The following FLT1 variants were observed in gnomAD, a reference collection of about 807,000 sequenced individuals.
FLT1 encodes fms related receptor tyrosine kinase 1.
In FLT1, 49 loss-of-function variants were observed where a neutral mutation model predicts 156.3. The ratio of observed to expected loss-of-function variants is 0.31; its 90% CI spans 0.25 to 0.40. The LOEUF is 0.40. Among genes scored for constraint, FLT1 ranks in the 10% least tolerant of loss-of-function variants. The pLI, the probability that FLT1 is intolerant of heterozygous loss-of-function variation, is 1.00. For missense variants in FLT1, 1,322 were observed against 1,637.2 expected (o/e 0.81, Z 3.32); for synonymous variants, 594 against 583.8 (o/e 1.02, Z -0.25).
chr13:28,397,617 G>C (rs972535495), intron 11 of FLT1, among the ~76,000 whole-genome samples: 1 of 152,004 alleles, frequency 6.6e-6, no homozygotes, highest in African/African-American at 2.4e-5. Flanking sequence ...GAACTTCTGG[G>C]CTCAAGCAGT....
chr13:28,491,138 T>C (rs755432681), intron 1 of FLT1, among the ~76,000 whole-genome samples: 3 of 140,920 alleles, frequency 2.1e-5, no homozygotes, highest in Non-Finnish European at 4.8e-5. Context: ...GACATTACAT[T>C]ATTTTGGTCA....
At chr13:28,437,075 C>G (rs1033578096) in intron 4 of FLT1, among the ~76,000 whole-genome samples, 1 of 152,150 alleles carries the variant, frequency 6.6e-6, no homozygotes, top group African/African-American at 2.4e-5. Flanking sequence ...GGCTCAAATG[C>G]CCAGTATGAC....
At chr13:28,401,803 T>A (rs1004591045) in intron 11 of FLT1, among the ~76,000 whole-genome samples, 2 of 152,218 alleles carry the variant, frequency 1.3e-5, no homozygotes, top group African/African-American at 4.8e-5. Flanking sequence ...CTTGCTCCTG[T>A]CATGGATTTG....
chr13:28,438,718 C>T (rs1035674164), intron 3 of FLT1, among the ~76,000 whole-genome samples: 2 of 152,180 alleles, frequency 1.3e-5, no homozygotes, highest in Non-Finnish European at 2.9e-5. Context: ...GAAGCGCCCT[C>T]CAGAGCCTTT....
chr13:28,494,836 C>T lies in FLT1; in HGVS notation c.8G>A (p.Ser3Asn). ...CAGCAGGACCCCGGTGTCCCAGTAG[C>T]TGACCATGGTGAGCGCGACGCGGCC... The part of the protein sequence containing the change: MV[S>N]YWDTGVLLCA... The change falls in exon 1 of 30, where the codon AGC becomes AAC. Residue 3 changes from serine (S) to asparagine (N), a missense_variant. This residue lies in a region of FLT1 where 991 missense variants were observed against 1,254.8 expected (regional missense o/e 0.79). Transcript: ENST00000282397. The T allele has an allele frequency of 6.4e-7, 1 of 1,567,388 alleles. No individual in the cohort carries two copies. Among genetic ancestry groups the T allele is most frequent in the South Asian group, 1.2e-5 (1 of 86,080 alleles).
chr13:28,434,293 G>GA, intron 4 of FLT1, 73 bp from the exon 5 acceptor site: 1 of 1,372,858 alleles, frequency 7.3e-7, no homozygotes, highest in East Asian at 2.3e-5. Flanking sequence ...CCAGCAGTTT[G>GA]TGAAAACATG....
chr13:28,376,352 CTT>C (rs1873838993), intron 14 of FLT1, among the ~76,000 whole-genome samples: 1 of 152,218 alleles, frequency 6.6e-6, no homozygotes, highest in Non-Finnish European at 1.5e-5. Context: ...TTTCTGAACT[CTT>C]TGTTGTTCTA....
chr13:28,324,900 A>G (rs567877903), intron 20 of FLT1, among the ~76,000 whole-genome samples: 1 of 152,326 alleles, frequency 6.6e-6, no homozygotes, highest in East Asian at 1.9e-4. Context: ...TATCAGTACC[A>G]CTTTTGTTAA....
Position 28,386,960 on chromosome 13 carries a change from A to T in FLT1, c.1970-1929T>A, listed in dbSNP as rs1330911942. On this transcript the variant is annotated intron_variant, in intron 13 of 29. Coordinates refer to ENST00000282397, the MANE Select transcript of FLT1 (RefSeq NM_002019.4). ...ACTGCCCATCGGTCTTGTAAAAAGG[A>T]AGTCTGAATACAGAGCCCACAACAC... 3.8e-6 allele frequency: 4 copies of T among 1,043,654 alleles called. No individual in the cohort carries two copies. The African/African-American group carries it at 6.7e-5, about 17-fold the overall frequency. 64.6% of individuals were successfully genotyped at this position (1,043,654 alleles called of 1,614,324 possible).
In FLT1 at chr13:28,308,613, C is replaced by T. The variant is rs554725413; in HGVS notation, c.3720+230G>A. 3.3e-5 allele frequency among the ~76,000 whole-genome samples: 5 copies of T among 152,338 alleles called. No homozygotes were observed. The East Asian group carries it at 9.6e-4, about 29-fold the overall frequency. On this transcript the variant is annotated intron_variant, in intron 28 of 29. Coordinates refer to ENST00000282397, the MANE Select transcript of FLT1 (RefSeq NM_002019.4). ...ATGGAGTTTCCTCAGGGTCTAAATT[C>T]CTACCACGCAGGGACTTGGGTCCTG...
At chr13:28,475,155 A>G (rs573970101) in intron 1 of FLT1, among the ~76,000 whole-genome samples, 1 of 152,194 alleles carries the variant, frequency 6.6e-6, no homozygotes, top group Non-Finnish European at 1.5e-5. Flanking sequence ...TTTCAATTTA[A>G]TTTAGTGTTA....
intron 14 of FLT1, among the ~76,000 whole-genome samples, chr13:28,362,747 G>T (rs776915172): frequency 5.3e-5 from 8 of 152,170 alleles, no homozygotes; most frequent in Non-Finnish European, 8.8e-5. Context: ...AGGAGAGTGT[G>T]TAATTATGAA....
At chr13:28,379,057 GTGGGGCTGGGCGTGT>G (rs1446652697) in intron 14 of FLT1, among the ~76,000 whole-genome samples, 3 of 152,074 alleles carry the variant, frequency 2.0e-5, no homozygotes, top group African/African-American at 7.2e-5. Context: ...TCAAGAATTA[GTGGGGCTGGGCGTGT>G]TGGCTCTCAC....
chr13:28,412,730 CTT>C (rs752528822), intron 10 of FLT1, among the ~76,000 whole-genome samples: 7 of 79,536 alleles, frequency 8.8e-5, no homozygotes, highest in African/African-American at 1.7e-4. Context: ...CCCTCACGTT[CTT>C]TTTTTTTTTT....
intron 14 of FLT1, among the ~76,000 whole-genome samples, chr13:28,374,322 A>G (rs976171655): frequency 1.6e-4 from 25 of 151,924 alleles, no homozygotes; most frequent in Admixed American, 6.6e-5. Flanking sequence ...GGCTGAGGTG[A>G]GAGGATCACC....
chr13:28,405,654 GTCTT>G, intron 11 of FLT1, 122 bp downstream of exon 11: 1 of 703,394 alleles, frequency 1.4e-6, no homozygotes, highest in Non-Finnish European at 2.6e-6. Context: ...CTCAGATATT[GTCTT>G]TCTTCTCTCT....
At chr13:28,362,352 A>G (rs933256816) in intron 14 of FLT1, among the ~76,000 whole-genome samples, 1 of 152,234 alleles carries the variant, frequency 6.6e-6, no homozygotes, top group Non-Finnish European at 1.5e-5. Flanking sequence ...TGAGAAGTAT[A>G]AGATATAGTA....
At chr13:28,407,701 AG>A (rs1464882763) in intron 10 of FLT1, among the ~76,000 whole-genome samples, 1 of 152,250 alleles carries the variant, frequency 6.6e-6, no homozygotes, top group Non-Finnish European at 1.5e-5. Flanking sequence ...CCATTCCTCA[AG>A]GAATTTCTGC....
intron 10 of FLT1, among the ~76,000 whole-genome samples, chr13:28,415,480 TTAATAA>T (rs369880174): frequency 6.6e-6 from 1 of 151,398 alleles, no homozygotes; most frequent in Non-Finnish European, 1.5e-5. Context: ...AAACTCCATC[TTAATAA>T]TAATAATAAT....
Sources: gnomAD v4.1 joint callset for allele counts (sites outside exome capture counted in the v4.1 genomes callset) on GRCh38, gnomAD v4.1.1 for gene constraint, gnomAD v4.1.1 regional missense constraint, MANE v1.5 for transcripts, NCBI Gene and HGNC (gene_info 2026-07-23, HGNC 2026-07-21) for gene names.